The following DNAH8 variants were observed in gnomAD, a reference collection of about 807,000 sequenced individuals.
DNAH8 encodes the protein axonemal beta dynein heavy chain 8.
In DNAH8, 382 loss-of-function variants were observed where a neutral mutation model predicts 562.1. The observed-to-expected ratio is 0.68, with a 90% CI of 0.63 to 0.74. The LOEUF (loss-of-function observed/expected upper bound fraction) is 0.74, where lower values mean the gene tolerates loss of function less well. Among genes scored for constraint, DNAH8 ranks in the 30% least tolerant of loss-of-function variants. The pLI is 0.00. For synonymous variants in DNAH8, 1,881 were observed against 1,919.4 expected, an observed-to-expected ratio of 0.98 and a Z score of 0.52; for missense variants, 5,203 against 5,620.4, an observed-to-expected ratio of 0.93 and a Z score of 2.37.
Position 38,895,947 on chromosome 6 carries a change from T to C in DNAH8, c.8748-86T>C. 2 of 1,112,724 alleles carry C rather than the reference T, an allele frequency of 1.8e-6. 1 individual carries two copies. The highest frequency in any genetic ancestry group is 3.0e-5 in the South Asian group (2 of 67,764). The allele number at this position is 1,112,724 out of a possible 1,614,324, so 68.9% of individuals were successfully genotyped here. On this transcript the variant is annotated intron_variant, in intron 59 of 92. Transcript: ENST00000327475. ...TGTCCTGAATTGAGAAGGTCCAGGG[T>C]GGGGCTGAGAAGAGGCGAAGGGACA...
rs116731059 is a variant in DNAH8, at chr6:38,728,687, C to T, written c.526-1215C>T. On this transcript the variant is annotated intron_variant, in intron 3 of 92. Coordinates refer to ENST00000327475, the MANE Select transcript of DNAH8 (RefSeq NM_001206927.2). The stretch of plus-strand genomic sequence containing the variant: ...GAGAACAAAGGGCTAGAGTTACGCA[C>T]ATCTTGGTGGCTCTGTTTTATCTCC... Among the ~76,000 whole-genome samples, 261 of 152,296 alleles carry T rather than the reference C, an allele frequency of 1.7e-3. 1 individual carries two copies. The highest frequency in any genetic ancestry group is 6.1e-3 in the African/African-American group (255 of 41,564).
intron 82 of DNAH8, among the ~76,000 whole-genome samples, chr6:38,956,642 C>A (rs1266371624): frequency 1.3e-5 from 2 of 152,230 alleles, no homozygotes; most frequent in Admixed American, 1.3e-4. Flanking sequence ...CCCTGACCAA[C>A]TGTCTCACAC....
chr6:38,824,471 G>A (rs1773139557), intron 28 of DNAH8, among the ~76,000 whole-genome samples: 1 of 152,140 alleles, frequency 6.6e-6, no homozygotes, highest in Admixed American at 6.5e-5. Context: ...CTTGGTCTAT[G>A]GTTTGGGTTT....
At chr6:38,775,641 C>T in intron 12 of DNAH8, 113 bp from the exon 13 acceptor site, 1 of 662,852 alleles carries the variant, frequency 1.5e-6, no homozygotes, top group Non-Finnish European at 2.6e-6. Context: ...CGAAATTATT[C>T]TAGGCCCTGT....
At chr6:38,902,240 A>G (rs1317619811) in intron 62 of DNAH8, among the ~76,000 whole-genome samples, 1 of 152,120 alleles carries the variant, frequency 6.6e-6, no homozygotes, top group Non-Finnish European at 1.5e-5. Flanking sequence ...AGGTTAGCCA[A>G]TTCTTAGAGA....
chr6:38,846,233 CTT>C lies in DNAH8; in HGVS notation c.5045+462_5045+463del, dbSNP rs1388675306. Among the ~76,000 whole-genome samples the C allele has an allele frequency of 2.0e-5, 3 of 152,156 alleles. No homozygotes were observed. In the East Asian group the frequency reaches 5.8e-4, roughly 29 times the overall value. Reference sequence around the variant, plus strand: ...TAGGGGCTTGGCACTTACTTAGAGACTTTCATTTTTTATGGTGAAAAGAGCCT... The same window carrying C: ...TAGGGGCTTGGCACTTACTTAGAGACTCATTTTTTATGGTGAAAAGAGCCT... On this transcript the variant is annotated intron_variant, in intron 36 of 92. Coordinates refer to ENST00000327475, the MANE Select transcript of DNAH8 (RefSeq NM_001206927.2).
rs143034990 is a variant in DNAH8, at chr6:38,730,652, G to A, written c.610+666G>A. On this transcript the variant is annotated intron_variant, in intron 4 of 92. Transcript: ENST00000327475. ...TAATCAGATTCTCCCTCTGAAATTC[G>A]TACTGTGTATTCCTGCCAAGTATAT... is the stretch of plus-strand genomic sequence containing the variant. Among the ~76,000 whole-genome samples the A allele has an allele frequency of 7.9e-5, 12 of 152,224 alleles. No homozygotes were observed. In the East Asian group the frequency reaches 1.5e-3, roughly 20 times the overall value.
chr6:38,949,607 C>G, intron 81 of DNAH8, 37 bp downstream of exon 81: 2 of 1,159,864 alleles, frequency 1.7e-6, no homozygotes, highest in Non-Finnish European at 2.6e-6. Context: ...AAGCATCACT[C>G]ATAATATTGC....
At chr6:39,002,333 A>G (rs1233241300) in intron 88 of DNAH8, among the ~76,000 whole-genome samples, 2 of 152,234 alleles carry the variant, frequency 1.3e-5, no homozygotes, top group Admixed American at 1.3e-4. Context: ...AGTAATATGA[A>G]TCACATACAA....
At chr6:38,924,879 G>A (rs1237991469) in intron 73 of DNAH8, 1 of 152,128 alleles carries the variant, frequency 6.6e-6, no homozygotes, top group Non-Finnish European at 1.5e-5. Flanking sequence ...ATGTTCTGGT[G>A]ACCCTAAGTA....
intron 8 of DNAH8, 66 bp from the exon 9 acceptor site, chr6:38,750,410 C>G (rs56323406): frequency 4.0e-6 from 4 of 1,008,288 alleles, no homozygotes; most frequent in Admixed American, 4.4e-5. Context: ...CTGAATTTCC[C>G]GAGTAAACTT....
intron 53 of DNAH8, 152 bp from the exon 54 acceptor site, chr6:38,882,758 T>G (rs1325551362): frequency 1.8e-6 from 1 of 545,354 alleles, no homozygotes; most frequent in African/African-American, 2.0e-5. Flanking sequence ...GCTGTAGACA[T>G]AAGATAAGCA....
intron 17 of DNAH8, among the ~76,000 whole-genome samples, chr6:38,785,890 A>C (rs2127647409): frequency 6.6e-6 from 1 of 152,350 alleles, no homozygotes; most frequent in East Asian, 1.9e-4. Flanking sequence ...AAAGTCAACT[A>C]ACTTCAAAGA....
chr6:38,793,579 C>G (rs77353828), intron 21 of DNAH8, among the ~76,000 whole-genome samples: 1 of 151,842 alleles, frequency 6.6e-6, no homozygotes, highest in Non-Finnish European at 1.5e-5. Context: ...TATTTTTAAT[C>G]TATTCTGAAA....
chr6:38,905,550 ACC>A (rs1323482944), intron 62 of DNAH8, among the ~76,000 whole-genome samples: 1 of 152,210 alleles, frequency 6.6e-6, no homozygotes, highest in African/African-American at 2.4e-5. Flanking sequence ...TGAATTTTTC[ACC>A]AAATCAAACT....
chr6:38,873,916 T>C (rs1428697204), intron 52 of DNAH8, among the ~76,000 whole-genome samples: 5 of 152,006 alleles, frequency 3.3e-5, no homozygotes, highest in African/African-American at 1.2e-4. Context: ...CAATTTTGGC[T>C]TTGGAAATTT....
rs556533988 is a variant in DNAH8 at position 38,767,751 on chromosome 6, A to T, written c.1618-2662A>T. Among the ~76,000 whole-genome samples the T allele has an allele frequency of 2.0e-5, 3 of 152,278 alleles. No individual in the cohort carries two copies. The South Asian group carries it at 6.2e-4, about 32-fold the overall frequency. The stretch of plus-strand genomic sequence containing the variant: ...TTTGGCTATTGTGAATAATGCGGCT[A>T]TGAACATTTGGTGTGTAAGTATCTG... On this transcript the variant is annotated intron_variant, in intron 11 of 92. Transcript: ENST00000327475.
At chr6:38,902,841 C>T (rs1331229627) in intron 62 of DNAH8, among the ~76,000 whole-genome samples, 1 of 152,210 alleles carries the variant, frequency 6.6e-6, no homozygotes, top group Non-Finnish European at 1.5e-5. Flanking sequence ...GCTAGGATGA[C>T]ACTCTAATTT....
Position 38,737,257 on chromosome 6 carries a change from G to T in DNAH8, c.952+1G>T. ...AACAGATATCTTTCATTTTTAGATGGTAAGTATAAAATTTAATGTTTAGCA... is the reference window on the plus strand; with the variant it reads ...AACAGATATCTTTCATTTTTAGATGTTAAGTATAAAATTTAATGTTTAGCA... On this transcript the variant is annotated splice_donor_variant, in intron 6 of 92. Transcript: ENST00000327475. LOFTEE classifies it high-confidence loss of function. The T allele has an allele frequency of 1.4e-6, 2 of 1,420,670 alleles. No individual in the cohort carries two copies. Among genetic ancestry groups the T allele is most frequent in the East Asian group, 2.6e-5 (1 of 38,386 alleles). The allele number at this position is 1,420,670 out of a possible 1,614,324, so 88.0% of individuals were successfully genotyped here.
Sources: allele counts gnomAD v4.1 joint callset (sites outside exome capture counted in the v4.1 genomes callset), GRCh38; gene constraint gnomAD v4.1.1; transcripts MANE v1.5; gene names NCBI Gene and HGNC (gene_info 2026-07-23, HGNC 2026-07-21).